The following NXPH2 variants were observed in gnomAD, a reference collection of about 807,000 sequenced individuals.
The protein encoded by NXPH2 is neurexophilin-2.
In NXPH2, 5 loss-of-function variants were observed where a neutral mutation model predicts 19.8. The observed-to-expected ratio is 0.25, with a 90% CI of 0.13 to 0.53. The LOEUF (loss-of-function observed/expected upper bound fraction) is 0.53, where lower values mean the gene tolerates loss of function less well. NXPH2 is among the 20% of genes least tolerant of loss of function. The probability of loss-of-function intolerance (pLI) is 0.96; values close to 1 mark genes in which losing one functional copy is unlikely to be tolerated. For synonymous variants in NXPH2, 154 were observed against 127.4 expected, an observed-to-expected ratio of 1.21 and a Z score of -1.41; for missense variants, 289 against 322.8, an observed-to-expected ratio of 0.90 and a Z score of 0.80.
chr2:138,766,634 A>T (rs755456152), intron 1 of NXPH2, among the ~76,000 whole-genome samples: 1 of 152,140 alleles, frequency 6.6e-6, no homozygotes, highest in Non-Finnish European at 1.5e-5. Context: ...CCACTTCCAG[A>T]AGTCAACTCA....
intron 1 of NXPH2, among the ~76,000 whole-genome samples, chr2:138,733,151 A>G (rs1034966025): frequency 6.6e-6 from 1 of 152,194 alleles, no homozygotes; most frequent in African/African-American, 2.4e-5. Context: ...CCATATCTAC[A>G]CAGTCTATAA....
chr2:138,730,992 A>T (rs758149408), intron 1 of NXPH2, among the ~76,000 whole-genome samples: 8 of 152,154 alleles, frequency 5.3e-5, no homozygotes, highest in Non-Finnish European at 1.2e-4. Flanking sequence ...TGCCTTAAAC[A>T]TCACCTCCTT....
rs140062726 is a variant in NXPH2 at position 138,695,964 on chromosome 2, T to G, written c.52-24299A>C. Among the ~76,000 whole-genome samples, 1,193 of 152,248 alleles carry G rather than the reference T, an allele frequency of 7.8e-3. 17 individuals are homozygous for G. The highest frequency in any genetic ancestry group is 0.027 in the African/African-American group (1,120 of 41,542). ...TGGAGTTCAAGGCTTCAGTGAGCTA[T>G]GATTGCACCATTGCACTCCAGCTTG... On this transcript the variant is annotated intron_variant, in intron 1 of 1. Coordinates refer to ENST00000272641, the MANE Select transcript of NXPH2 (RefSeq NM_007226.3).
At position 138,679,397 on chromosome 2, in the gene NXPH2, T is replaced by C. The variant is rs552929628; in HGVS notation, c.52-7732A>G. On this transcript the variant is annotated intron_variant, in intron 1 of 1. Transcript: ENST00000272641. ...TGGCAGCGGGGGAGTAGGAGAGGCC[T>C]GAATTTTTTTTTTTTTTTTTTGAGA... Among the ~76,000 whole-genome samples the C allele has an allele frequency of 3.6e-3, 527 of 145,292 alleles. 10 individuals carry two copies. In the South Asian group the frequency reaches 0.042, roughly 11 times the overall value.
chr2:138,771,824 A>T (rs1682181908), intron 1 of NXPH2, among the ~76,000 whole-genome samples: 1 of 152,182 alleles, frequency 6.6e-6, no homozygotes, highest in Non-Finnish European at 1.5e-5. Flanking sequence ...AGTGAATGGC[A>T]CCTGTGGCTC....
chr2:138,692,865 T>A (rs1224087355), intron 1 of NXPH2, among the ~76,000 whole-genome samples: 3 of 152,190 alleles, frequency 2.0e-5, no homozygotes, highest in Non-Finnish European at 4.4e-5. Context: ...CTAATTCTTA[T>A]ACTCTGTCTC....
chr2:138,701,080 G>A (rs1198868921), intron 1 of NXPH2, among the ~76,000 whole-genome samples: 2 of 152,156 alleles, frequency 1.3e-5, no homozygotes, highest in Admixed American at 1.3e-4. Context: ...AAAAGCGAAA[G>A]CAATCAAATA....
intron 1 of NXPH2, among the ~76,000 whole-genome samples, chr2:138,768,796 C>T (rs1017085891): frequency 6.6e-6 from 1 of 152,190 alleles, no homozygotes; most frequent in Non-Finnish European, 1.5e-5. Context: ...AGGTATTTTA[C>T]ATTTTTTGTA....
chr2:138,681,419 C>T (rs964692811), intron 1 of NXPH2, among the ~76,000 whole-genome samples: 1 of 152,128 alleles, frequency 6.6e-6, no homozygotes, highest in Non-Finnish European at 1.5e-5. Flanking sequence ...TGTGTTTATA[C>T]TCAATATAAA....
intron 1 of NXPH2, among the ~76,000 whole-genome samples, chr2:138,764,253 A>C (rs562259930): frequency 6.6e-6 from 1 of 152,266 alleles, no homozygotes; most frequent in East Asian, 1.9e-4. Flanking sequence ...CCTCCAAAAG[A>C]ATCATGAACT....
intron 1 of NXPH2, among the ~76,000 whole-genome samples, chr2:138,766,357 A>G (rs1682092723): frequency 6.6e-6 from 1 of 152,158 alleles, no homozygotes; most frequent in East Asian, 1.9e-4. Context: ...GAAATCACCT[A>G]TGGCAGGTTT....
intron 1 of NXPH2, among the ~76,000 whole-genome samples, chr2:138,696,528 G>A (rs1168524653): frequency 6.6e-6 from 1 of 152,180 alleles, no homozygotes; most frequent in Non-Finnish European, 1.5e-5. Flanking sequence ...TCAGGGAAAT[G>A]AGACTTAAAA....
intron 1 of NXPH2, among the ~76,000 whole-genome samples, chr2:138,694,330 C>A (rs1680795482): frequency 6.6e-6 from 1 of 152,094 alleles, no homozygotes; most frequent in South Asian, 2.1e-4. Context: ...TGATCGTGAC[C>A]TTATTTGGAA....
At position 138,669,327 on chromosome 2, in the gene NXPH2, A is replaced by C. The variant is rs1398631488; in HGVS notation, c.*1595T>G. ...AGGTGAAAATAAAAAGATGTTTCAA[A>C]ATATTAATCACCAACCACAAAATTA... On this transcript the variant is annotated 3_prime_UTR_variant, in exon 2 of 2. Transcript: ENST00000272641. 6.6e-6 allele frequency among the ~76,000 whole-genome samples: 1 copy of C among 152,146 alleles called. No individual in the cohort carries two copies. Among genetic ancestry groups the C allele is most frequent in the Admixed American group, 6.5e-5 (1 of 15,272 alleles).
chr2:138,747,168 T>G (rs867438982), intron 1 of NXPH2, among the ~76,000 whole-genome samples: 1 of 152,204 alleles, frequency 6.6e-6, no homozygotes, highest in South Asian at 2.1e-4. Flanking sequence ...TGAATATTCA[T>G]GCACGTTTAT....
At chr2:138,679,663 G>C (rs932773977) in intron 1 of NXPH2, among the ~76,000 whole-genome samples, 4 of 152,096 alleles carry the variant, frequency 2.6e-5, no homozygotes, top group African/African-American at 4.8e-5. Context: ...GCCTCCCAAA[G>C]TGTTGGGATT....
intron 1 of NXPH2, among the ~76,000 whole-genome samples, chr2:138,754,353 C>T (rs1305670827): frequency 6.6e-6 from 1 of 152,162 alleles, no homozygotes; most frequent in Non-Finnish European, 1.5e-5. Context: ...TTCCCCTTCC[C>T]TCTGAACCTT....
chr2:138,671,257 C>G lies in NXPH2; in HGVS notation c.460G>C (p.Gly154Arg), dbSNP rs368355976. 5.6e-6 allele frequency: 9 copies of G among 1,613,826 alleles called. No individual in the cohort carries two copies. The highest frequency in any genetic ancestry group is 7.6e-6 in the Non-Finnish European group (9 of 1,179,836). ...VYFRHNSTGLGNVSVSLVPPS... is the reference protein window; with the variant it reads ...VYFRHNSTGLRNVSVSLVPPS... The stretch of plus-strand genomic sequence containing the variant: ...GGTACCAAGCTCACTGAAACATTGC[C>G]CAGGCCTGTTGAATTATGTCGGAAA... The change falls in exon 2 of 2, where the codon GGC becomes CGC. Residue 154 changes from glycine (G) to arginine (R), a missense_variant. Gly to Arg is a moderately radical substitution (Grantham distance 125). Transcript: ENST00000272641.
At chr2:138,698,795 A>G (rs1680872680) in intron 1 of NXPH2, among the ~76,000 whole-genome samples, 1 of 152,200 alleles carries the variant, frequency 6.6e-6, no homozygotes, top group African/African-American at 2.4e-5. Flanking sequence ...TAGAGGGGGC[A>G]GTAAGCTATG....
Sources: gnomAD v4.1 joint callset for allele counts (sites outside exome capture counted in the v4.1 genomes callset) on GRCh38, gnomAD v4.1.1 for gene constraint, MANE v1.5 for transcripts, NCBI Gene and HGNC (gene_info 2026-07-23, HGNC 2026-07-21) for gene names.